RAP1GAP2: variants seen among roughly 807,000 people sequenced by gnomAD.
RAP1GAP2 encodes the protein RAP1 GTPase activating protein 2.
In RAP1GAP2, 27 loss-of-function variants were observed where a neutral mutation model predicts 95.0. The ratio of observed to expected loss-of-function variants is 0.28; its 90% confidence interval spans 0.21 to 0.39. RAP1GAP2 has a LOEUF of 0.39. RAP1GAP2 is among the 10% of genes least tolerant of loss of function. RAP1GAP2 has a pLI of 1.00. For missense variants in RAP1GAP2, 771 were observed against 970.0 expected (o/e 0.79, Z 2.72); for synonymous variants, 373 against 380.9 (o/e 0.98, Z 0.24).
intron 2 of RAP1GAP2, among the ~76,000 whole-genome samples, chr17:2,879,826 C>T (rs1597496061): frequency 6.6e-6 from 1 of 152,076 alleles, no homozygotes; most frequent in Admixed American, 6.5e-5. Context: ...GTCTCCTGCT[C>T]GTCTCTTGTC....
intron 4 of RAP1GAP2, among the ~76,000 whole-genome samples, chr17:2,959,332 G>A (rs1448378097): frequency 1.3e-5 from 2 of 152,086 alleles, no homozygotes; most frequent in Non-Finnish European, 2.9e-5. Context: ...TGCTTTCTAG[G>A]GTAGGGGTCT....
At chr17:2,793,257 G>A (rs758039271), upstream of RAP1GAP2, among the ~76,000 whole-genome samples, 8 of 151,672 alleles carry the variant, frequency 5.3e-5, no homozygotes, top group Non-Finnish European at 8.8e-5. Flanking sequence ...AGGTTCAAGC[G>A]ATTCTCCTGT....
chr17:3,023,435 C>T (rs1477041057), intron 19 of RAP1GAP2, among the ~76,000 whole-genome samples: 1 of 152,172 alleles, frequency 6.6e-6, no homozygotes, highest in Non-Finnish European at 1.5e-5. Flanking sequence ...ATTTGGTTGA[C>T]TTCCAAATTC....
At chr17:2,946,666 A>G (rs2043707284) in intron 3 of RAP1GAP2, among the ~76,000 whole-genome samples, 1 of 152,156 alleles carries the variant, frequency 6.6e-6, no homozygotes, top group African/African-American at 2.4e-5. Context: ...AACATGATGA[A>G]CCCCATAGGT....
intron 2 of RAP1GAP2, among the ~76,000 whole-genome samples, chr17:2,874,031 C>T (rs909940356): frequency 6.6e-6 from 1 of 152,170 alleles, no homozygotes; most frequent in Non-Finnish European, 1.5e-5. Context: ...CCGTCTCAGC[C>T]TCCCAAAGTG....
At chr17:2,987,004 A>G (rs141251235) in intron 11 of RAP1GAP2, among the ~76,000 whole-genome samples, 2 of 152,314 alleles carry the variant, frequency 1.3e-5, no homozygotes, top group Non-Finnish European at 2.9e-5. Flanking sequence ...AAAGGGCCAG[A>G]TAGTAAATAT....
At chr17:2,912,032 TGC>T (rs1473767996) in intron 3 of RAP1GAP2, among the ~76,000 whole-genome samples, 2 of 152,318 alleles carry the variant, frequency 1.3e-5, no homozygotes, top group East Asian at 3.9e-4. Context: ...GAGGATAATG[TGC>T]GCTTGGAGTT....
chr17:3,021,494 G>A (rs897012889), intron 19 of RAP1GAP2, among the ~76,000 whole-genome samples: 1 of 141,148 alleles, frequency 7.1e-6, no homozygotes, highest in African/African-American at 2.6e-5. Flanking sequence ...GAATGCAGTG[G>A]CGCCATCTTG....
At chr17:2,772,855 CTTTTTTTTTTTTT>C (rs773565092), upstream of RAP1GAP2, among the ~76,000 whole-genome samples, 1 of 126,040 alleles carries the variant, frequency 7.9e-6, no homozygotes. Context: ...TTCTTTCTTT[CTTTTTTTTTTTTT>C]TTTTTTTGAG....
intron 3 of RAP1GAP2, among the ~76,000 whole-genome samples, chr17:2,941,449 C>CA (rs147264756): frequency 0.12 from 18,607 of 151,104 alleles, 1,439 homozygotes; most frequent in Middle Eastern, 0.18. Flanking sequence ...ACAACAAAAA[C>CA]AAAAAAAAGA....
intron 2 of RAP1GAP2, among the ~76,000 whole-genome samples, chr17:2,879,725 C>A (rs377368561): frequency 1.0e-4 from 14 of 139,556 alleles, no homozygotes; most frequent in East Asian, 2.2e-4. Flanking sequence ...GACTCCATCT[C>A]AAAAAAAAAA....
In RAP1GAP2 at chr17:3,022,403, C is replaced by T. The variant is rs115524150; in HGVS notation, c.1751+1808C>T. Among the ~76,000 whole-genome samples, 1,350 of 152,208 alleles carry T rather than the reference C, an allele frequency of 8.9e-3. 23 individuals are homozygous for T. Among genetic ancestry groups the T allele is most frequent in the African/African-American group, 0.03 (1,259 of 41,516 alleles). ...GAGTTACCATATTACCAAGCAATTC[C>T]GCTCCTCGGTATATACCCAAGAGAG... On this transcript the variant is annotated intron_variant, in intron 19 of 24. Transcript: ENST00000254695.
At chr17:2,899,235 C>T (rs1215250542) in intron 2 of RAP1GAP2, among the ~76,000 whole-genome samples, 2 of 152,172 alleles carry the variant, frequency 1.3e-5, no homozygotes, top group South Asian at 2.1e-4. Context: ...GACGGAGTCT[C>T]ACTCTGTCAC....
At chr17:2,785,238 C>T (rs548493232) in intron 1 of RAP1GAP2, among the ~76,000 whole-genome samples, 3 of 152,258 alleles carry the variant, frequency 2.0e-5, no homozygotes, top group Admixed American at 6.5e-5. Flanking sequence ...CTCCTCTGAG[C>T]CTTCCCTGAA....
At chr17:2,930,866 G>C (rs1270855692) in intron 3 of RAP1GAP2, among the ~76,000 whole-genome samples, 1 of 152,234 alleles carries the variant, frequency 6.6e-6, no homozygotes, top group Non-Finnish European at 1.5e-5. Flanking sequence ...GCTCACGCCT[G>C]TAATCCCAGC....
intron 3 of RAP1GAP2, among the ~76,000 whole-genome samples, chr17:2,953,519 A>T (rs1462267192): frequency 6.6e-6 from 1 of 152,112 alleles, no homozygotes; most frequent in African/African-American, 2.4e-5. Context: ...CTTTATTGAG[A>T]TATAATTTAC....
chr17:2,794,327 G>T (rs2069009775), upstream of RAP1GAP2, among the ~76,000 whole-genome samples: 1 of 152,140 alleles, frequency 6.6e-6, no homozygotes, highest in Non-Finnish European at 1.5e-5. Context: ...CCTGACCCTG[G>T]AGGTGGATTG....
chr17:2,834,256 C>T (rs2151554528), intron 2 of RAP1GAP2, among the ~76,000 whole-genome samples: 1 of 152,304 alleles, frequency 6.6e-6, no homozygotes. Flanking sequence ...AAGTTCTGCC[C>T]TGAGGGCCCC....
chr17:2,776,562 T>A (rs2068503662), upstream of RAP1GAP2, among the ~76,000 whole-genome samples: 1 of 151,762 alleles, frequency 6.6e-6, no homozygotes, highest in African/African-American at 2.4e-5. Context: ...CCGCCCCCTC[T>A]CCGCGGCTGC....
Sources: allele counts gnomAD v4.1 joint callset (sites outside exome capture counted in the v4.1 genomes callset), GRCh38; gene constraint gnomAD v4.1.1; transcripts MANE v1.5; gene names NCBI Gene and HGNC (gene_info 2026-07-23, HGNC 2026-07-21).